The following ADCY9 variants were observed in gnomAD, a reference collection of about 807,000 sequenced individuals.
ADCY9 encodes the protein adenylate cyclase 9.
ADCY9 carries 50 observed loss-of-function variants against 101.5 expected under a neutral mutation model. The observed-to-expected ratio is 0.49, with a 90% CI of 0.39 to 0.62. The LOEUF (loss-of-function observed/expected upper bound fraction) is 0.62, where lower values mean the gene tolerates loss of function less well. ADCY9 is among the 20% of genes least tolerant of loss of function. The probability of loss-of-function intolerance (pLI) is 0.00; values close to 1 mark genes in which losing one functional copy is unlikely to be tolerated. For synonymous variants in ADCY9, 905 were observed against 769.3 expected (o/e 1.18, Z -2.92); for missense variants, 1,662 against 1,800.4 (o/e 0.92, Z 1.39).
At chr16:3,974,322 G>T (rs1567417103) in intron 10 of ADCY9, among the ~76,000 whole-genome samples, 2 of 152,226 alleles carry the variant, frequency 1.3e-5, no homozygotes, top group African/African-American at 2.4e-5. Context: ...GGGATTACAG[G>T]CGTGAGCCAC....
intron 7 of ADCY9, among the ~76,000 whole-genome samples, chr16:3,980,833 T>C (rs570870425): frequency 6.6e-6 from 1 of 152,294 alleles, no homozygotes; most frequent in South Asian, 2.1e-4. Flanking sequence ...GCGGGAAAGA[T>C]GTGAGGTTGG....
rs114151410 is a variant in ADCY9 at position 3,963,689 on chromosome 16, G to A, written c.*2086C>T. 2.2e-3 allele frequency: 527 copies of A among 244,004 alleles called. 4 individuals are homozygous for A. Among genetic ancestry groups the A allele is most frequent in the African/African-American group, 0.011 (481 of 44,840 alleles). The allele number at this position is 244,004 out of a possible 1,614,324, so 15.1% of individuals were successfully genotyped here. On this transcript the variant is annotated 3_prime_UTR_variant, in exon 11 of 11. Coordinates refer to ENST00000294016, the MANE Select transcript of ADCY9 (RefSeq NM_001116.4). ...ATGTTCTGAGCGAGACAGCAAGGTC[G>A]TGAGCAAACGCCCAGCCCCTCAAAG... is the stretch of plus-strand genomic sequence containing the variant.
intron 2 of ADCY9, among the ~76,000 whole-genome samples, chr16:4,080,218 TA>T (rs2056893005): frequency 2.0e-5 from 3 of 152,156 alleles, no homozygotes; most frequent in Admixed American, 1.3e-4. Flanking sequence ...CCTAAGAATT[TA>T]AAGAAGTTAA....
intron 2 of ADCY9, among the ~76,000 whole-genome samples, chr16:4,010,468 G>A (rs1051544247): frequency 1.3e-5 from 2 of 152,224 alleles, no homozygotes; most frequent in African/African-American, 4.8e-5. Context: ...CATCTCCAAC[G>A]TCTGCTGTTG....
Position 3,979,100 on chromosome 16 carries a change from C to T in ADCY9, c.2679+16G>A. ...CCAGGAGAGCGTGGAAATAAAACGGCTGAGCCTTTACTTACGTGTATGTTG... is the reference window on the plus strand; with the variant it reads ...CCAGGAGAGCGTGGAAATAAAACGGTTGAGCCTTTACTTACGTGTATGTTG... On this transcript the variant is annotated intron_variant, in intron 8 of 10. Coordinates refer to ENST00000294016, the MANE Select transcript of ADCY9 (RefSeq NM_001116.4). 2 of 1,614,112 alleles carry T rather than the reference C, an allele frequency of 1.2e-6. No homozygotes were observed. The highest frequency in any genetic ancestry group is 1.7e-6 in the Non-Finnish European group (2 of 1,179,952).
chr16:4,009,096 A>C (rs1200567394), intron 2 of ADCY9, among the ~76,000 whole-genome samples: 2 of 152,218 alleles, frequency 1.3e-5, no homozygotes. Context: ...TCCTTGTAAA[A>C]ATACTACGTG....
downstream of ADCY9, chr16:3,962,540 A>G (rs961391316): frequency 6.6e-6 from 1 of 152,156 alleles, no homozygotes; most frequent in Non-Finnish European, 1.5e-5. Flanking sequence ...AAGAAAGGCA[A>G]ACCCACCCAG....
chr16:4,102,384 C>CG (rs1163998055), intron 2 of ADCY9, among the ~76,000 whole-genome samples: 1 of 151,828 alleles, frequency 6.6e-6, no homozygotes, highest in Non-Finnish European at 1.5e-5. Context: ...TGAGCCCTTC[C>CG]AAAAAAAATT....
chr16:4,062,006 G>C (rs1407048085), intron 2 of ADCY9, among the ~76,000 whole-genome samples: 4 of 152,142 alleles, frequency 2.6e-5, no homozygotes, highest in African/African-American at 9.7e-5. Flanking sequence ...TATTGAAAAT[G>C]AATTAGCATT....
chr16:4,061,404 C>G (rs1378483048), intron 2 of ADCY9, among the ~76,000 whole-genome samples: 1 of 152,088 alleles, frequency 6.6e-6, no homozygotes, highest in East Asian at 1.9e-4. Context: ...AGTGAGCCAC[C>G]ATGACACATC....
At chr16:3,989,371 G>C (rs1567426125) in intron 5 of ADCY9, among the ~76,000 whole-genome samples, 1 of 150,128 alleles carries the variant, frequency 6.7e-6, no homozygotes, top group South Asian at 2.1e-4. Context: ...CAGAACCTTG[G>C]TTTTTTGGGG....
intron 2 of ADCY9, among the ~76,000 whole-genome samples, chr16:4,061,028 T>G (rs551298103): frequency 1.8e-4 from 27 of 151,938 alleles, no homozygotes; most frequent in African/African-American, 4.8e-4. Flanking sequence ...GAGACAGAAA[T>G]TATAAAAAGA....
intron 2 of ADCY9, among the ~76,000 whole-genome samples, chr16:4,068,171 A>G (rs1434031988): frequency 1.3e-5 from 2 of 152,144 alleles, no homozygotes; most frequent in African/African-American, 4.8e-5. Context: ...GCACCCCTTT[A>G]CAGTCAAGGA....
chr16:4,022,257 C>T (rs1334065073), intron 2 of ADCY9, among the ~76,000 whole-genome samples: 4 of 151,510 alleles, frequency 2.6e-5, no homozygotes, highest in African/African-American at 4.8e-5. Context: ...TTTGGGAGGC[C>T]GAGGTGGGAG....
At chr16:4,026,949 G>A (rs927039762) in intron 2 of ADCY9, among the ~76,000 whole-genome samples, 5 of 152,172 alleles carry the variant, frequency 3.3e-5, no homozygotes, top group African/African-American at 1.2e-4. Flanking sequence ...GCACCTCGTG[G>A]CAGATGAAAA....
At chr16:4,066,012 A>G (rs779486013) in intron 2 of ADCY9, among the ~76,000 whole-genome samples, 1 of 152,210 alleles carries the variant, frequency 6.6e-6, no homozygotes, top group Non-Finnish European at 1.5e-5. Flanking sequence ...ACTAAGGCCC[A>G]TGACTTTAGC....
At chr16:4,027,151 G>A (rs906428553) in intron 2 of ADCY9, among the ~76,000 whole-genome samples, 1 of 152,164 alleles carries the variant, frequency 6.6e-6, no homozygotes, top group African/African-American at 2.4e-5. Flanking sequence ...CCTCTACAGG[G>A]TATTAAGGCT....
chr16:4,023,026 A>G (rs2056488471), intron 2 of ADCY9, among the ~76,000 whole-genome samples: 1 of 152,196 alleles, frequency 6.6e-6, no homozygotes, highest in Admixed American at 6.5e-5. Context: ...ATCAAATCAC[A>G]TCTCTACAAC....
At chr16:4,027,197 C>T (rs531417129) in intron 2 of ADCY9, among the ~76,000 whole-genome samples, 15 of 152,350 alleles carry the variant, frequency 9.8e-5, no homozygotes, top group East Asian at 5.8e-4. Context: ...TGCTCCTGCT[C>T]GAGCCTGCTC....
Sources: allele counts gnomAD v4.1 joint callset (sites outside exome capture counted in the v4.1 genomes callset), GRCh38; gene constraint gnomAD v4.1.1; transcripts MANE v1.5; gene names NCBI Gene and HGNC (gene_info 2026-07-23, HGNC 2026-07-21).